Variants in WDR19 observed in about 807,000 individuals in gnomAD.
WDR19 encodes WD repeat-containing protein 19.
Under a neutral mutation model 180.0 loss-of-function variants are expected in WDR19, and 121 were observed. The observed-to-expected ratio is 0.67, with a 90% CI of 0.58 to 0.78. WDR19 has a LOEUF of 0.78. Ranked by LOEUF, WDR19 falls within the 30% of genes least tolerant of loss-of-function variation. The pLI is 0.00. For synonymous variants in WDR19, 497 were observed against 540.7 expected (o/e 0.92, Z 1.12); for missense variants, 1,450 against 1,640.7 (o/e 0.88, Z 2.01).
At chr4:39,182,785 G>T (rs1273251808) in intron 1 of WDR19, among the ~76,000 whole-genome samples, 1 of 152,082 alleles carries the variant, frequency 6.6e-6, no homozygotes, top group African/African-American at 2.4e-5. Context: ...GAGGCCTCTC[G>T]TTTTGGGGAC....
At chr4:39,187,502 T>C (rs1044912784) in intron 3 of WDR19, among the ~76,000 whole-genome samples, 1 of 152,172 alleles carries the variant, frequency 6.6e-6, no homozygotes, top group African/African-American at 2.4e-5. Flanking sequence ...CATGTTTCTT[T>C]CTGTAGTTTA....
chr4:39,190,474 T>C (rs547455562), intron 4 of WDR19, among the ~76,000 whole-genome samples: 10 of 152,230 alleles, frequency 6.6e-5, no homozygotes, highest in Non-Finnish European at 1.5e-4. Context: ...CATTTTGACC[T>C]TGGACAAATT....
At chr4:39,233,993 C>CTCTG (rs1278929638) in intron 19 of WDR19, among the ~76,000 whole-genome samples, 2 of 152,198 alleles carry the variant, frequency 1.3e-5, no homozygotes, top group African/African-American at 4.8e-5. Flanking sequence ...TACTGCCCAG[C>CTCTG]TCTGTCATGT....
intron 28 of WDR19, among the ~76,000 whole-genome samples, chr4:39,262,490 C>T (rs1473041863): frequency 6.6e-6 from 1 of 152,158 alleles, no homozygotes; most frequent in African/African-American, 2.4e-5. Flanking sequence ...ATCCTTCCAC[C>T]TTAGCCTCCC....
intron 15 of WDR19, among the ~76,000 whole-genome samples, chr4:39,226,320 C>T (rs1730246488): frequency 6.6e-6 from 1 of 152,182 alleles, no homozygotes; most frequent in Non-Finnish European, 1.5e-5. Context: ...TGTTAAAGAG[C>T]TCTCACTTTG....
chr4:39,236,535 A>T (rs1289591800), intron 20 of WDR19, among the ~76,000 whole-genome samples: 1 of 152,206 alleles, frequency 6.6e-6, no homozygotes. Flanking sequence ...ACCTGGGTAC[A>T]CTTAAAGTCC....
intron 1 of WDR19, among the ~76,000 whole-genome samples, 168 bp downstream of exon 1, chr4:39,182,731 G>C (rs1725071323): frequency 6.6e-6 from 1 of 152,092 alleles, no homozygotes; most frequent in South Asian, 2.1e-4. Flanking sequence ...CTGAAGGGAC[G>C]AGAGAAAGGA....
Position 39,205,699 on chromosome 4 carries a change from C to T in WDR19, c.853C>T (p.Gln285Ter). The change falls in exon 9 of 37, where the codon CAG becomes TAG. Residue 285 changes from glutamine to a stop codon, truncating the protein, a stop_gained. Coordinates refer to ENST00000399820, the MANE Select transcript of WDR19 (RefSeq NM_025132.4). LOFTEE classifies it high-confidence loss of function. ...KDNLTSIAVS[Q>*]TLNKVATCGD... ...TAATCTAACCAGCATTGCAGTATCA[C>T]AGACTCTTAACAAAGTTGCTACATG... The T allele has an allele frequency of 2.5e-6, 4 of 1,608,776 alleles. No homozygotes were observed. Among genetic ancestry groups the T allele is most frequent in the Non-Finnish European group, 3.4e-6 (4 of 1,177,238 alleles).
At chr4:39,212,282 GA>G (rs202138693) in intron 9 of WDR19, among the ~76,000 whole-genome samples, 4 of 151,004 alleles carry the variant, frequency 2.6e-5, no homozygotes, top group African/African-American at 9.7e-5. Context: ...ATCCACAAAT[GA>G]AAAAAAAATT....
chr4:39,233,351 G>A (rs1731074444), intron 19 of WDR19, among the ~76,000 whole-genome samples: 1 of 152,258 alleles, frequency 6.6e-6, no homozygotes, highest in Non-Finnish European at 1.5e-5. Context: ...ACATGTCTGG[G>A]TTCAAATTCC....
chr4:39,198,646 G>A (rs184000120), intron 5 of WDR19, among the ~76,000 whole-genome samples: 43 of 152,198 alleles, frequency 2.8e-4, no homozygotes, highest in Middle Eastern at 6.8e-3. Context: ...CAGGTGCATC[G>A]CTTGAGCTCA....
chr4:39,271,106 AG>A (rs1299015761), intron 31 of WDR19, among the ~76,000 whole-genome samples: 5 of 152,112 alleles, frequency 3.3e-5, no homozygotes, highest in Non-Finnish European at 7.4e-5. Context: ...CACGTTGGCC[AG>A]GCTGGTCTCG....
At chr4:39,266,929 T>C (rs186743673) in intron 29 of WDR19, among the ~76,000 whole-genome samples, 179 of 152,064 alleles carry the variant, frequency 1.2e-3, no homozygotes, top group Non-Finnish European at 2.1e-3. Context: ...ACAAAAAATA[T>C]AAAATTAGCC....
At chr4:39,260,923 T>C (rs920557193) in intron 28 of WDR19, among the ~76,000 whole-genome samples, 6 of 152,182 alleles carry the variant, frequency 3.9e-5, no homozygotes, top group East Asian at 1.9e-4. Context: ...TACATGAAGA[T>C]TGGGGCTTTA....
chr4:39,271,094 A>G (rs1340186104), intron 31 of WDR19, among the ~76,000 whole-genome samples: 1 of 151,960 alleles, frequency 6.6e-6, no homozygotes, highest in African/African-American at 2.4e-5. Context: ...ATGGGGTTTC[A>G]CCACGTTGGC....
chr4:39,247,129 C>T (rs943481972), intron 24 of WDR19, among the ~76,000 whole-genome samples: 16 of 151,984 alleles, frequency 1.1e-4, no homozygotes, highest in African/African-American at 3.1e-4. Context: ...ACACCTCACA[C>T]GGGGCTGGGT....
At chr4:39,213,067 G>A (rs1277522523) in intron 9 of WDR19, among the ~76,000 whole-genome samples, 1 of 152,148 alleles carries the variant, frequency 6.6e-6, no homozygotes, top group Non-Finnish European at 1.5e-5. Context: ...TGACTAAAAT[G>A]AAAAATAGTG....
intron 9 of WDR19, among the ~76,000 whole-genome samples, chr4:39,209,045 A>G (rs1728235368): frequency 6.6e-6 from 1 of 152,216 alleles, no homozygotes; most frequent in Admixed American, 6.5e-5. Context: ...TGCACCCAGC[A>G]GCAACAAAAT....
intron 5 of WDR19, among the ~76,000 whole-genome samples, chr4:39,198,028 A>C (rs771797100): frequency 7.9e-5 from 12 of 151,968 alleles, no homozygotes; most frequent in Non-Finnish European, 1.8e-4. Flanking sequence ...ATTTTTGTAG[A>C]GATGAAGTCT....
Sources: allele counts gnomAD v4.1 joint callset (sites outside exome capture counted in the v4.1 genomes callset), GRCh38; gene constraint gnomAD v4.1.1; transcripts MANE v1.5; gene names NCBI Gene and HGNC (gene_info 2026-07-23, HGNC 2026-07-21).